EXOC4: variants seen among roughly 807,000 people sequenced by gnomAD.
The protein encoded by EXOC4 is SEC8-like 1.
Under a neutral mutation model 107.2 loss-of-function variants are expected in EXOC4, and 71 were observed. The observed-to-expected ratio is 0.66, with a 90% CI of 0.55 to 0.81. The LOEUF (loss-of-function observed/expected upper bound fraction) is 0.81. Ranked by LOEUF, EXOC4 falls within the 30% of genes least tolerant of loss-of-function variation. EXOC4 has a pLI of 0.00. For synonymous variants in EXOC4, 456 were observed against 441.2 expected (o/e 1.03, Z -0.42); for missense variants, 1,108 against 1,189.6 (o/e 0.93, Z 1.01).
chr7:133,800,298 A>G (rs1796911180), intron 10 of EXOC4, among the ~76,000 whole-genome samples: 1 of 152,202 alleles, frequency 6.6e-6, no homozygotes, highest in Non-Finnish European at 1.5e-5. Flanking sequence ...GTACTTTTGA[A>G]AATAAATATA....
At chr7:133,897,186 A>C (rs1243300393) in intron 12 of EXOC4, among the ~76,000 whole-genome samples, 1 of 152,022 alleles carries the variant, frequency 6.6e-6, no homozygotes, top group African/African-American at 2.4e-5. Flanking sequence ...TGGCAGAGGA[A>C]TACAACATAG....
chr7:133,842,319 T>C lies in EXOC4; in HGVS notation c.1734+24775T>C, dbSNP rs147997751. On this transcript the variant is annotated intron_variant, in intron 11 of 17. Transcript: ENST00000253861. The stretch of plus-strand genomic sequence containing the variant: ...TCCACAACCTCACCAGCATCTGTTA[T>C]TGACTTTTTAGTAGTAGCCATTCTG... 4.4e-4 allele frequency among the ~76,000 whole-genome samples: 67 copies of C among 152,290 alleles called. No homozygotes were observed. In the Middle Eastern group the frequency reaches 0.01, roughly 23 times the overall value.
chr7:134,013,052 C>T (rs1001790111), intron 17 of EXOC4, among the ~76,000 whole-genome samples: 1 of 152,136 alleles, frequency 6.6e-6, no homozygotes, highest in African/African-American at 2.4e-5. Flanking sequence ...AGTAGGAATA[C>T]GCTTCAAATG....
At chr7:134,009,116 T>C (rs1794711087) in intron 17 of EXOC4, among the ~76,000 whole-genome samples, 1 of 152,242 alleles carries the variant, frequency 6.6e-6, no homozygotes, top group African/African-American at 2.4e-5. Flanking sequence ...TCATGCTCTA[T>C]TGCCGTTTAT....
intron 1 of EXOC4, among the ~76,000 whole-genome samples, chr7:133,271,307 G>A (rs1793865084): frequency 6.6e-6 from 1 of 152,008 alleles, no homozygotes; most frequent in Non-Finnish European, 1.5e-5. Flanking sequence ...TTGTATTTCT[G>A]GTCTCATATT....
intron 9 of EXOC4, among the ~76,000 whole-genome samples, chr7:133,580,439 A>C (rs962735705): frequency 1.3e-5 from 2 of 152,166 alleles, no homozygotes; most frequent in African/African-American, 4.8e-5. Flanking sequence ...CCATACGACT[A>C]CAGCATTTGA....
intron 10 of EXOC4, among the ~76,000 whole-genome samples, chr7:133,749,955 GTTTTTTTTTTTT>G (rs56902982): frequency 9.7e-5 from 6 of 62,102 alleles, no homozygotes; most frequent in South Asian, 7.2e-4. Context: ...GTGGTTGGCA[GTTTTTTTTTTTT>G]TTTTTTTTTT....
chr7:133,320,467 C>A (rs1563016859), intron 5 of EXOC4, among the ~76,000 whole-genome samples: 1 of 152,056 alleles, frequency 6.6e-6, no homozygotes, highest in South Asian at 2.1e-4. Flanking sequence ...ACCCACTCTT[C>A]TGTGCCTCTT....
intron 7 of EXOC4, among the ~76,000 whole-genome samples, chr7:133,408,267 G>A (rs1179128346): frequency 5.3e-5 from 8 of 151,056 alleles, no homozygotes; most frequent in African/African-American, 1.5e-4. Flanking sequence ...ACTGGTGATC[G>A]TGGGGGTCAT....
intron 9 of EXOC4, among the ~76,000 whole-genome samples, chr7:133,617,136 C>G (rs1802212082): frequency 6.6e-6 from 1 of 152,042 alleles, no homozygotes; most frequent in South Asian, 2.1e-4. Flanking sequence ...ATCAAGTTAA[C>G]CGATAACATT....
chr7:134,076,579 T>A, the EXOC4 span, among the ~76,000 whole-genome samples: 1 of 151,996 alleles, frequency 6.6e-6, no homozygotes, highest in East Asian at 1.9e-4. Flanking sequence ...TAGCCAGGGT[T>A]TTCCAGAGAA....
chr7:134,052,082 G>A (rs192775155), intron 17 of EXOC4, among the ~76,000 whole-genome samples: 11 of 152,320 alleles, frequency 7.2e-5, no homozygotes, highest in East Asian at 1.9e-4. Context: ...GCTGCTGTGC[G>A]TGTCCATGAA....
intron 9 of EXOC4, among the ~76,000 whole-genome samples, chr7:133,605,264 A>G (rs1378883256): frequency 1.3e-5 from 2 of 152,196 alleles, no homozygotes; most frequent in African/African-American, 2.4e-5. Context: ...AGTTCCTGCA[A>G]TCTTTTAATT....
chr7:133,803,525 A>G (rs1699761371), intron 10 of EXOC4, among the ~76,000 whole-genome samples: 1 of 152,220 alleles, frequency 6.6e-6, no homozygotes, highest in African/African-American at 2.4e-5. Flanking sequence ...AACATAATCC[A>G]AAAGAATATC....
rs950456009 is a variant in EXOC4, at chr7:134,057,339, A to T, written c.2688-6952A>T. 2.6e-5 allele frequency among the ~76,000 whole-genome samples: 4 copies of T among 151,292 alleles called. 1 individual carries two copies. In the South Asian group the frequency reaches 8.3e-4, roughly 31 times the overall value. Reference sequence around the variant, plus strand: ...CTAGCGTGTCCTGATCAGAACAAAAACCTATACAATCCGTTGTGAGAAGTG... The same window carrying T: ...CTAGCGTGTCCTGATCAGAACAAAATCCTATACAATCCGTTGTGAGAAGTG... On this transcript the variant is annotated intron_variant, in intron 17 of 17. Transcript: ENST00000253861.
chr7:133,468,856 A>G (rs907450288), intron 7 of EXOC4, among the ~76,000 whole-genome samples: 1 of 152,138 alleles, frequency 6.6e-6, no homozygotes, highest in African/African-American at 2.4e-5. Context: ...GACCAGTTAA[A>G]TGAGAACTGA....
intron 17 of EXOC4, among the ~76,000 whole-genome samples, chr7:134,008,504 A>G (rs1455149223): frequency 2.6e-5 from 4 of 152,102 alleles, no homozygotes; most frequent in African/African-American, 9.7e-5. Context: ...CATTGTGAAT[A>G]ACATGTATCT....
intron 9 of EXOC4, among the ~76,000 whole-genome samples, chr7:133,544,552 G>T (rs1258974532): frequency 6.6e-6 from 1 of 151,984 alleles, no homozygotes; most frequent in East Asian, 1.9e-4. Flanking sequence ...AACTAAATTA[G>T]GTCACCTAAC....
At chr7:134,035,688 T>C (rs891955748) in intron 17 of EXOC4, among the ~76,000 whole-genome samples, 2 of 152,138 alleles carry the variant, frequency 1.3e-5, no homozygotes, top group African/African-American at 4.8e-5. Flanking sequence ...GGTGGGCTAA[T>C]TCAGTAGCCC....
Sources: allele counts gnomAD v4.1 joint callset (sites outside exome capture counted in the v4.1 genomes callset), GRCh38; gene constraint gnomAD v4.1.1; transcripts MANE v1.5; gene names NCBI Gene and HGNC (gene_info 2026-07-23, HGNC 2026-07-21).